AUTS2: variants seen among roughly 807,000 people sequenced by gnomAD.
AUTS2 encodes the protein autism susceptibility gene 2 protein.
AUTS2 carries 17 observed loss-of-function variants against 112.4 expected under a neutral mutation model. The observed-to-expected ratio is 0.15, with a 90% CI of 0.10 to 0.23. AUTS2 has a LOEUF of 0.23. AUTS2 is among the 10% of genes least tolerant of loss of function. The probability of loss-of-function intolerance (pLI) is 1.00; values close to 1 mark genes in which losing one functional copy is unlikely to be tolerated. For missense variants in AUTS2, 1,510 were observed against 1,701.6 expected, an observed-to-expected ratio of 0.89 and a Z score of 1.98; for synonymous variants, 751 against 702.7, an observed-to-expected ratio of 1.07 and a Z score of -1.09.
At chr7:70,531,810 GGT>G (rs567124201) in intron 5 of AUTS2, among the ~76,000 whole-genome samples, 3 of 152,014 alleles carry the variant, frequency 2.0e-5, no homozygotes, top group Non-Finnish European at 2.9e-5. Context: ...GAAAGGAGAG[GGT>G]GTCAGTTAGC....
At chr7:70,085,203 T>C (rs1803533135) in intron 2 of AUTS2, among the ~76,000 whole-genome samples, 1 of 152,154 alleles carries the variant, frequency 6.6e-6, no homozygotes, top group Admixed American at 6.6e-5. Flanking sequence ...ATCCTTTTGG[T>C]GTCATATCTA....
At chr7:70,748,262 A>G (rs1157192375) in intron 6 of AUTS2, among the ~76,000 whole-genome samples, 2 of 152,212 alleles carry the variant, frequency 1.3e-5, no homozygotes, top group Non-Finnish European at 2.9e-5. Flanking sequence ...AAATGAAGTA[A>G]TGGCAAGCGA....
intron 1 of AUTS2, among the ~76,000 whole-genome samples, chr7:69,640,416 A>T (rs1327632719): frequency 6.6e-6 from 1 of 152,194 alleles, no homozygotes; most frequent in Non-Finnish European, 1.5e-5. Context: ...GGTTGCATTA[A>T]TGAAAGAATG....
chr7:69,945,820 ACT>A lies in AUTS2; in HGVS notation c.522+46327_522+46328del. Reference sequence around the variant, plus strand: ...CCTTGCCCTTGGCAACCACCATTCTACTCTCTGTTTTTATGAGTTGGATTTTT... The same window carrying A: ...CCTTGCCCTTGGCAACCACCATTCTACTCTGTTTTTATGAGTTGGATTTTT... On this transcript the variant is annotated intron_variant, in intron 2 of 18. Coordinates refer to ENST00000342771, the MANE Select transcript of AUTS2 (RefSeq NM_015570.4). Among the ~76,000 whole-genome samples the A allele has an allele frequency of 2.7e-5, 4 of 150,782 alleles. No individual in the cohort carries two copies. The Middle Eastern group carries it at 0.01, about 385-fold the overall frequency.
chr7:70,764,720 T>G (rs1563181705), intron 7 of AUTS2, 32 bp from the exon 8 acceptor site: 1 of 719,756 alleles, frequency 1.4e-6, no homozygotes. Context: ...TTTTTTTATT[T>G]TTTTCTTTTC....
intron 4 of AUTS2, among the ~76,000 whole-genome samples, chr7:70,207,535 TTCAAATTCTTGCTTCATCATTTA>T: frequency 6.6e-6 from 1 of 152,328 alleles, no homozygotes; most frequent in South Asian, 2.1e-4. Flanking sequence ...CCATTGAGGA[TTCAAATTCTTGCTTCATCATTTA>T]CTGGTTGTGT....
chr7:70,371,587 G>A (rs1792839764), intron 4 of AUTS2, among the ~76,000 whole-genome samples: 1 of 152,110 alleles, frequency 6.6e-6, no homozygotes, highest in African/African-American at 2.4e-5. Context: ...ACAGAGTTGA[G>A]TTCCTTCATT....
intron 2 of AUTS2, among the ~76,000 whole-genome samples, chr7:70,039,164 C>T (rs1033312389): frequency 2.0e-5 from 3 of 152,068 alleles, no homozygotes; most frequent in African/African-American, 7.2e-5. Context: ...TGACTCCTGC[C>T]TGGTAAGCAA....
intron 2 of AUTS2, among the ~76,000 whole-genome samples, chr7:70,009,643 T>G (rs977814102): frequency 6.6e-6 from 1 of 152,216 alleles, no homozygotes; most frequent in Non-Finnish European, 1.5e-5. Context: ...AAAATGATGT[T>G]TCCTTATTTT....
At chr7:69,976,466 T>TAAAA (rs1325129146) in intron 2 of AUTS2, among the ~76,000 whole-genome samples, 4 of 152,218 alleles carry the variant, frequency 2.6e-5, no homozygotes, top group Admixed American at 6.5e-5. Flanking sequence ...ACCCTGCTTT[T>TAAAA]AGTTCTTTTT....
intron 5 of AUTS2, among the ~76,000 whole-genome samples, chr7:70,469,342 C>T (rs1797288788): frequency 6.6e-6 from 1 of 152,116 alleles, no homozygotes; most frequent in Non-Finnish European, 1.5e-5. Context: ...TGATCAGGGG[C>T]AGCTTCTCTA....
At chr7:70,550,014 C>T (rs981687988) in intron 5 of AUTS2, among the ~76,000 whole-genome samples, 11 of 152,052 alleles carry the variant, frequency 7.2e-5, no homozygotes, top group African/African-American at 2.4e-4. Context: ...AGAGAAGAGA[C>T]GAAGTAGGAC....
intron 4 of AUTS2, among the ~76,000 whole-genome samples, chr7:70,349,264 T>G (rs1024616595): frequency 3.9e-5 from 6 of 152,202 alleles, no homozygotes; most frequent in Admixed American, 1.3e-4. Context: ...GCCTGTGGGC[T>G]TAGTGATTCT....
At chr7:70,009,070 T>C (rs1584569534) in intron 2 of AUTS2, among the ~76,000 whole-genome samples, 1 of 152,170 alleles carries the variant, frequency 6.6e-6, no homozygotes, top group East Asian at 1.9e-4. Flanking sequence ...GAGTGGCTCA[T>C]GGTTTTGGAG....
At chr7:69,822,903 CTATTTAT>C (rs1390391798) in intron 1 of AUTS2, among the ~76,000 whole-genome samples, 2 of 152,148 alleles carry the variant, frequency 1.3e-5, no homozygotes, top group Non-Finnish European at 2.9e-5. Flanking sequence ...TTTGAAGGTC[CTATTTAT>C]TACTTCAGCC....
chr7:70,033,311 T>C (rs1800862889), intron 2 of AUTS2, among the ~76,000 whole-genome samples: 1 of 152,206 alleles, frequency 6.6e-6, no homozygotes, highest in Non-Finnish European at 1.5e-5. Flanking sequence ...TGTATGTGTA[T>C]AGTGAGTATG....
intron 6 of AUTS2, among the ~76,000 whole-genome samples, chr7:70,742,429 A>G (rs886848367): frequency 6.6e-6 from 1 of 152,212 alleles, no homozygotes; most frequent in African/African-American, 2.4e-5. Flanking sequence ...AGCAGCATAG[A>G]GGAGAAACTT....
intron 5 of AUTS2, among the ~76,000 whole-genome samples, chr7:70,483,424 G>A (rs1797867563): frequency 6.6e-6 from 1 of 152,068 alleles, no homozygotes. Flanking sequence ...AAAATAAAAG[G>A]GACTGCAAAT....
chr7:69,814,472 C>T (rs928348495), intron 1 of AUTS2, among the ~76,000 whole-genome samples: 2 of 152,214 alleles, frequency 1.3e-5, no homozygotes, highest in African/African-American at 2.4e-5. Flanking sequence ...GTCTGTGTGA[C>T]GTGGACCCAT....
Sources: gnomAD v4.1 joint callset for allele counts (sites outside exome capture counted in the v4.1 genomes callset) on GRCh38, gnomAD v4.1.1 for gene constraint, MANE v1.5 for transcripts, NCBI Gene and HGNC (gene_info 2026-07-23, HGNC 2026-07-21) for gene names.